RANBP2: variants seen among roughly 807,000 people sequenced by gnomAD.
The protein encoded by RANBP2 is RAN binding protein 2.
A neutral mutation model predicts 303.6 loss-of-function variants in RANBP2; 57 were observed. The observed-to-expected ratio is 0.19, with a 90% CI of 0.15 to 0.23. RANBP2 has a LOEUF of 0.23. Among genes scored for constraint, RANBP2 ranks in the 10% least tolerant of loss-of-function variants. RANBP2 has a pLI of 1.00. For missense variants in RANBP2, 3,138 were observed against 3,780.8 expected, an observed-to-expected ratio of 0.83 and a Z score of 4.46; for synonymous variants, 1,167 against 1,301.5, an observed-to-expected ratio of 0.90 and a Z score of 2.23.
At chr2:108,970,382 C>A in the RANBP2 span, among the ~76,000 whole-genome samples, 1 of 152,150 alleles carries the variant, frequency 6.6e-6, no homozygotes, top group Non-Finnish European at 1.5e-5. Context: ...AAGAAGAGAA[C>A]CTGGGAGCCC....
chr2:108,762,281 C>A, intron 19 of RANBP2, 86 bp downstream of exon 19: 2 of 1,338,166 alleles, frequency 1.5e-6, no homozygotes, highest in South Asian at 1.5e-5. Context: ...GAGAGCAGTT[C>A]ACTATTAAAA....
the RANBP2 span, among the ~76,000 whole-genome samples, chr2:109,199,238 A>C: frequency 2.3e-5 from 3 of 132,534 alleles, no homozygotes; most frequent in East Asian, 6.3e-4. Context: ...GGGTGCCTGT[A>C]GTCCCAGCTA....
the RANBP2 span, among the ~76,000 whole-genome samples, chr2:109,675,825 C>G: frequency 6.6e-6 from 1 of 152,214 alleles, no homozygotes; most frequent in East Asian, 1.9e-4. Context: ...TGGAGCAGAA[C>G]AACTCCAGGC....
At chr2:108,853,884 T>TTATTA in the RANBP2 span, among the ~76,000 whole-genome samples, 1 of 123,470 alleles carries the variant, frequency 8.1e-6, no homozygotes, top group African/African-American at 3.2e-5. Flanking sequence ...ATATAATATA[T>TTATTA]TATATAGTAT....
chr2:109,170,261 T>TCTCCTCTC, the RANBP2 span, among the ~76,000 whole-genome samples: 1 of 55,190 alleles, frequency 1.8e-5, no homozygotes, highest in African/African-American at 5.3e-5. Flanking sequence ...TCTCTTCTCT[T>TCTCCTCTC]CTCTTCTCTT....
the RANBP2 span, among the ~76,000 whole-genome samples, chr2:109,063,568 TC>T: frequency 6.6e-6 from 1 of 152,178 alleles, no homozygotes; most frequent in Non-Finnish European, 1.5e-5. Context: ...TCCCGGGGTT[TC>T]TTGCTCAATG....
Position 108,767,761 on chromosome 2 carries a change from G to A in RANBP2, c.7222G>A (p.Asp2408Asn). The change falls in exon 20 of 29, where the codon GAT becomes AAT. Residue 2408 changes from aspartate to asparagine, a missense_variant. Physicochemically the swap from Asp to Asn is conservative, Grantham distance 23. Coordinates refer to ENST00000283195, the MANE Select transcript of RANBP2 (RefSeq NM_006267.5). ...AAGAGTATGGTTGTGGACTGCATGTGATTTTGCAGATGGAGAAAGAAAAGT... is the reference window on the plus strand; with the variant it reads ...AAGAGTATGGTTGTGGACTGCATGTAATTTTGCAGATGGAGAAAGAAAAGT... ...TERVWLWTAC[D>N]FADGERKVEH... 6.2e-7 allele frequency: 1 copy of A among 1,611,960 alleles called. No individual in the cohort carries two copies. The highest frequency in any genetic ancestry group is 2.3e-4 in the Middle Eastern group (1 of 4,430).
the RANBP2 span, among the ~76,000 whole-genome samples, chr2:109,201,622 C>T: frequency 6.6e-6 from 1 of 152,214 alleles, no homozygotes; most frequent in Non-Finnish European, 1.5e-5. Flanking sequence ...CCTCTCACAG[C>T]ATGGCCTTCG....
At chr2:109,078,268 G>GTATATA in the RANBP2 span, among the ~76,000 whole-genome samples, 284 of 46,246 alleles carry the variant, frequency 6.1e-3, 18 homozygotes, top group African/African-American at 0.017. Context: ...TATATAGCGC[G>GTATATA]TATATATATA....
At chr2:109,419,433 G>A in the RANBP2 span, 1 of 1,188,022 alleles carries the variant, frequency 8.4e-7, no homozygotes, top group Non-Finnish European at 1.2e-6. Flanking sequence ...CAGCCAGGCA[G>A]CTGGCGAAGC....
Position 108,754,999 on chromosome 2 carries a change from G to A in RANBP2, c.2297G>A (p.Gly766Asp). 2 of 1,611,852 alleles carry A rather than the reference G, an allele frequency of 1.2e-6. No homozygotes were observed. The highest frequency in any genetic ancestry group is 1.7e-6 in the Non-Finnish European group (2 of 1,179,832). The change falls in exon 16 of 29, where the codon GGT becomes GAT. Residue 766 changes from glycine to aspartate, a missense_variant. Physicochemically the swap from Gly to Asp is moderately conservative, Grantham distance 94. This residue lies in a region of RANBP2 where 194 missense variants were observed against 197.4 expected (regional missense o/e 0.98). Coordinates refer to ENST00000283195, the MANE Select transcript of RANBP2 (RefSeq NM_006267.5). ...GAAGGAGGTCCTCTCTATAAAAATG[G>A]TTCTTTGCGAAATGCAGATTCAGAA... ...YSEGGPLYKN[G>D]SLRNADSEIK...
the RANBP2 span, chr2:109,667,370 A>G: frequency 4.0e-5 from 19 of 475,364 alleles, no homozygotes; most frequent in South Asian, 3.7e-4. Context: ...TTCTACTGTA[A>G]CTCAGTTTTG....
At chr2:109,315,270 G>A in the RANBP2 span, among the ~76,000 whole-genome samples, 1 of 152,182 alleles carries the variant, frequency 6.6e-6, no homozygotes, top group East Asian at 1.9e-4. Context: ...CGTGCCCACT[G>A]GGAAACACCC....
At chr2:109,417,836 G>A in the RANBP2 span, among the ~76,000 whole-genome samples, 92 of 152,292 alleles carry the variant, frequency 6.0e-4, no homozygotes, top group African/African-American at 1.7e-3. Context: ...ACTCAGGGAG[G>A]GGCAGGTAGG....
the RANBP2 span, among the ~76,000 whole-genome samples, chr2:108,840,966 C>T: frequency 1.4e-4 from 22 of 151,898 alleles, no homozygotes; most frequent in Admixed American, 9.8e-4. Flanking sequence ...TGCCCACCAC[C>T]ACACCTGGCT....
At chr2:108,852,264 T>G in the RANBP2 span, among the ~76,000 whole-genome samples, 1 of 152,200 alleles carries the variant, frequency 6.6e-6, no homozygotes, top group Admixed American at 6.5e-5. Context: ...GATACAACTC[T>G]TCTTTATGGA....
chr2:109,737,240 T>G, the RANBP2 span: 13 of 815,122 alleles, frequency 1.6e-5, no homozygotes, highest in Middle Eastern at 7.2e-4. Flanking sequence ...TCACGAAGAT[T>G]ATTCTTCTTC....
At chr2:108,930,586 G>C in the RANBP2 span, among the ~76,000 whole-genome samples, 1 of 152,160 alleles carries the variant, frequency 6.6e-6, no homozygotes, top group African/African-American at 2.4e-5. Context: ...CTCTAATACA[G>C]TGGCTTCTCA....
the RANBP2 span, chr2:108,896,742 T>C: frequency 1.5e-6 from 1 of 666,252 alleles, no homozygotes; most frequent in Non-Finnish European, 2.5e-6. Flanking sequence ...TTTGGTTAAA[T>C]TGGAAGACAG....
Sources: allele counts gnomAD v4.1 joint callset (sites outside exome capture counted in the v4.1 genomes callset), GRCh38; gene constraint gnomAD v4.1.1; regional missense constraint gnomAD v4.1.1; transcripts MANE v1.5; gene names NCBI Gene and HGNC (gene_info 2026-07-23, HGNC 2026-07-21).